The following CLIC5 variants were observed in gnomAD, a reference collection of about 807,000 sequenced individuals.
CLIC5 encodes CLIC family member 5, also known as chloride intracellular channel protein 5.
A neutral mutation model predicts 24.7 loss-of-function variants in CLIC5; 20 were observed. The observed-to-expected ratio is 0.81, with a 90% CI of 0.57 to 1.18. CLIC5 has a LOEUF of 1.18. Ranked by LOEUF, CLIC5 falls within the 50% of genes most tolerant of loss-of-function variation. The probability of loss-of-function intolerance (pLI) is 0.00; values close to 1 mark genes in which losing one functional copy is unlikely to be tolerated. For synonymous variants in CLIC5, 159 were observed against 135.6 expected (o/e 1.17, Z -1.20); for missense variants, 341 against 326.1 (o/e 1.05, Z -0.35).
At chr6:45,910,315 T>C (rs1762780908) in intron 5 of CLIC5, among the ~76,000 whole-genome samples, 1 of 152,122 alleles carries the variant, frequency 6.6e-6, no homozygotes, top group African/African-American at 2.4e-5. Flanking sequence ...AATCTCTAAA[T>C]AATCCTATAA....
upstream of CLIC5, among the ~76,000 whole-genome samples, chr6:46,019,237 T>G (rs1266709640): frequency 6.6e-6 from 1 of 152,198 alleles, no homozygotes; most frequent in Admixed American, 6.5e-5. Flanking sequence ...ATAAATGGTC[T>G]AAGCACATAA....
At chr6:46,066,529 A>C (rs1762447327) in intron 1 of CLIC5, among the ~76,000 whole-genome samples, 1 of 152,124 alleles carries the variant, frequency 6.6e-6, no homozygotes, top group Non-Finnish European at 1.5e-5. Context: ...AAGCAAACTG[A>C]ACTATCCCCC....
At chr6:46,024,463 G>A (rs1334591698) in intron 1 of CLIC5, among the ~76,000 whole-genome samples, 1 of 152,076 alleles carries the variant, frequency 6.6e-6, no homozygotes, top group Admixed American at 6.6e-5. Flanking sequence ...AGAGACTAGG[G>A]TATGTTCCTA....
chr6:45,883,039 G>A (rs1008289765), intron 6 of CLIC5, among the ~76,000 whole-genome samples: 1 of 152,220 alleles, frequency 6.6e-6, no homozygotes, highest in Admixed American at 6.5e-5. Flanking sequence ...CCACAGAGTG[G>A]GATGGAGATT....
chr6:46,070,917 G>A (rs1011229050), intron 1 of CLIC5, among the ~76,000 whole-genome samples: 9 of 151,762 alleles, frequency 5.9e-5, no homozygotes, highest in East Asian at 1.9e-4. Flanking sequence ...CCCAAAATAC[G>A]GCCGCACACC....
In CLIC5 at chr6:45,900,533, A is replaced by AAAAAAAAAAAT. The variant is rs1762484676; in HGVS notation, c.*2554_*2555insATTTTTTTTTT. ...CTGGAGAAAGATCTCTTTTGAAACA[A>AAAAAAAAAAAT]AAAAAAAAAGGAAGGTAATATTAAT... On this transcript the variant is annotated 3_prime_UTR_variant, in exon 6 of 6. Transcript: ENST00000339561. 1 of 149,936 alleles carries AAAAAAAAAAAT rather than the reference A, an allele frequency of 6.7e-6. No homozygotes were observed. Among genetic ancestry groups the AAAAAAAAAAAT allele is most frequent in the African/African-American group, 2.4e-5 (1 of 41,050 alleles). 9.3% of individuals were successfully genotyped at this position (149,936 alleles called of 1,614,324 possible). A position where few individuals can be genotyped will look rare whatever the true frequency, so the allele number is the denominator to read the frequency against.
chr6:46,122,871 A>C, the CLIC5 span: 1 of 152,228 alleles, frequency 6.6e-6, no homozygotes, highest in Non-Finnish European at 1.5e-5. Context: ...CCCTCCCAAG[A>C]CTAAACCAGG....
intron 1 of CLIC5, among the ~76,000 whole-genome samples, chr6:46,054,759 CAGCA>C (rs1768199814): frequency 6.6e-6 from 1 of 152,246 alleles, no homozygotes; most frequent in Non-Finnish European, 1.5e-5. Flanking sequence ...TGTGGAGATA[CAGCA>C]AGACGGTGGC....
intron 6 of CLIC5, chr6:45,892,004 T>C (rs1198782751): frequency 6.6e-6 from 1 of 152,236 alleles, no homozygotes; most frequent in African/African-American, 2.4e-5. Context: ...CTACAGGGTT[T>C]CCCATACTGT....
upstream of CLIC5, among the ~76,000 whole-genome samples, chr6:46,020,519 A>G (rs994743733): frequency 6.6e-6 from 1 of 152,096 alleles, no homozygotes; most frequent in African/African-American, 2.4e-5. Flanking sequence ...ATGGAACTAG[A>G]AAAAAGAACA....
At chr6:45,976,005 G>A (rs1348162887) in intron 1 of CLIC5, among the ~76,000 whole-genome samples, 1 of 152,132 alleles carries the variant, frequency 6.6e-6, no homozygotes, top group Non-Finnish European at 1.5e-5. Flanking sequence ...CTGGGTTCCT[G>A]TGCTGATGCT....
At chr6:46,111,912 T>C in the CLIC5 span, among the ~76,000 whole-genome samples, 7 of 152,222 alleles carry the variant, frequency 4.6e-5, no homozygotes, top group South Asian at 1.0e-3. Flanking sequence ...ACAAGTTCTC[T>C]CTTGTCTGCC....
At chr6:45,941,847 C>A (rs537452532) in intron 3 of CLIC5, among the ~76,000 whole-genome samples, 194 bp from the exon 4 acceptor site, 1 of 152,212 alleles carries the variant, frequency 6.6e-6, no homozygotes, top group South Asian at 2.1e-4. Context: ...AACCAGAGGC[C>A]AGTGAGGTGC....
chr6:45,971,235 G>A (rs1765190136), intron 1 of CLIC5, among the ~76,000 whole-genome samples: 1 of 152,184 alleles, frequency 6.6e-6, no homozygotes, highest in African/African-American at 2.4e-5. Flanking sequence ...ATGTGAAAAT[G>A]CATTTCCAGT....
In CLIC5 at chr6:45,935,412, T is replaced by C. The variant is rs569817242; in HGVS notation, c.406+6135A>G. ...CAGGCAGGCTGGGTAGAGAGCATGA[T>C]TAAGGGGGAGGACAGACCTAACTGC... On this transcript the variant is annotated intron_variant, in intron 4 of 5. Transcript: ENST00000339561. Among the ~76,000 whole-genome samples, 10 of 152,264 alleles carry C rather than the reference T, an allele frequency of 6.6e-5. No homozygotes were observed. In the South Asian group the frequency reaches 2.1e-3, roughly 32 times the overall value.
chr6:46,114,322 G>A, the CLIC5 span, among the ~76,000 whole-genome samples: 35 of 152,214 alleles, frequency 2.3e-4, no homozygotes, highest in African/African-American at 7.7e-4. Context: ...ATGTGCATGC[G>A]CAGCCCAGTG....
chr6:45,976,280 G>C (rs143471916), intron 1 of CLIC5, among the ~76,000 whole-genome samples: 42 of 152,290 alleles, frequency 2.8e-4, no homozygotes, highest in African/African-American at 8.2e-4. Flanking sequence ...TACTGGGTGG[G>C]ACATCGGAAA....
At chr6:45,925,205 A>G (rs926095659) in intron 4 of CLIC5, among the ~76,000 whole-genome samples, 4 of 152,236 alleles carry the variant, frequency 2.6e-5, no homozygotes, top group Non-Finnish European at 4.4e-5. Context: ...TTTTGCTAAT[A>G]AAATACATGT....
At chr6:46,082,669 C>T (rs1762949290), upstream of CLIC5, among the ~76,000 whole-genome samples, 1 of 152,084 alleles carries the variant, frequency 6.6e-6, no homozygotes, top group African/African-American at 2.4e-5. Flanking sequence ...TAGTCAATTC[C>T]CCCAACTCCT....
Sources: allele counts gnomAD v4.1 joint callset (sites outside exome capture counted in the v4.1 genomes callset), GRCh38; gene constraint gnomAD v4.1.1; transcripts MANE v1.5; gene names NCBI Gene and HGNC (gene_info 2026-07-23, HGNC 2026-07-21).